Variants in ALPK1 observed in about 807,000 individuals in gnomAD.
The protein encoded by ALPK1 is alpha kinase 1.
A neutral mutation model predicts 120.6 loss-of-function variants in ALPK1; 110 were observed. The observed-to-expected ratio is 0.91, with a 90% CI of 0.78 to 1.07. ALPK1 has a LOEUF of 1.07. Among genes scored for constraint, ALPK1 ranks in the 50% least tolerant of loss-of-function variants. The probability of loss-of-function intolerance (pLI) is 0.00; values close to 1 mark genes in which losing one functional copy is unlikely to be tolerated. For missense variants in ALPK1, 1,498 were observed against 1,483.9 expected (o/e 1.01, Z -0.16); for synonymous variants, 582 against 560.3 (o/e 1.04, Z -0.55).
chr4:112,436,319 A>G (rs919057628), intron 12 of ALPK1, among the ~76,000 whole-genome samples: 4 of 152,216 alleles, frequency 2.6e-5, no homozygotes, highest in Non-Finnish European at 4.4e-5. Flanking sequence ...CACTTTACAG[A>G]TGAGGGAACT....
chr4:112,360,486 A>G (rs900509364), intron 2 of ALPK1, among the ~76,000 whole-genome samples: 5 of 152,198 alleles, frequency 3.3e-5, no homozygotes, highest in African/African-American at 1.2e-4. Flanking sequence ...TTGGTTCCAT[A>G]TCTTGGCTAT....
chr4:112,313,977 C>T (rs1728528075), intron 1 of ALPK1, among the ~76,000 whole-genome samples: 1 of 152,140 alleles, frequency 6.6e-6, no homozygotes, highest in South Asian at 2.1e-4. Flanking sequence ...GAAATAATGG[C>T]ATATTTGTAA....
At chr4:112,422,618 A>T (rs11724583) in intron 5 of ALPK1, among the ~76,000 whole-genome samples, 12,246 of 152,300 alleles carry the variant, frequency 0.08, 578 homozygotes, top group Non-Finnish European at 0.11. Flanking sequence ...TTCCATTGCT[A>T]TGTTAAAAGC....
chr4:112,360,246 A>G (rs1285754563), intron 2 of ALPK1, among the ~76,000 whole-genome samples: 1 of 152,150 alleles, frequency 6.6e-6, no homozygotes, highest in Non-Finnish European at 1.5e-5. Flanking sequence ...GTTGCAGATG[A>G]CAGGATTTCC....
At chr4:112,380,560 T>C (rs2148728120) in intron 3 of ALPK1, among the ~76,000 whole-genome samples, 1 of 152,284 alleles carries the variant, frequency 6.6e-6, no homozygotes, top group East Asian at 1.9e-4. Context: ...TCATAAATGG[T>C]TCTAAATGGC....
intron 2 of ALPK1, among the ~76,000 whole-genome samples, chr4:112,316,520 G>A (rs961670929): frequency 7.9e-5 from 12 of 152,144 alleles, no homozygotes; most frequent in Admixed American, 1.3e-4. Flanking sequence ...TTGGGTGTAT[G>A]TAGAAGTAGA....
intron 4 of ALPK1, among the ~76,000 whole-genome samples, chr4:112,386,291 T>A (rs1430648342): frequency 6.6e-6 from 1 of 152,212 alleles, no homozygotes; most frequent in Non-Finnish European, 1.5e-5. Context: ...CAACCTCCTT[T>A]ACACTCCACA....
chr4:112,338,493 A>G (rs1043304999), intron 2 of ALPK1, among the ~76,000 whole-genome samples: 6 of 152,234 alleles, frequency 3.9e-5, no homozygotes, highest in Non-Finnish European at 5.9e-5. Context: ...CCTTGTTTAA[A>G]TTAGAAAGTG....
intron 10 of ALPK1, 56 bp downstream of exon 10, chr4:112,429,309 C>A: frequency 7.4e-7 from 1 of 1,347,094 alleles, no homozygotes; most frequent in Admixed American, 2.0e-5. Flanking sequence ...AGGGTGCTTT[C>A]TGATGTAACC....
At chr4:112,325,668 C>T (rs1729084571) in intron 2 of ALPK1, among the ~76,000 whole-genome samples, 1 of 152,310 alleles carries the variant, frequency 6.6e-6, no homozygotes, top group South Asian at 2.1e-4. Flanking sequence ...CTCCCTGCCC[C>T]ACTTTGTCCT....
intron 2 of ALPK1, chr4:112,343,243 A>T (rs1247488095): frequency 6.6e-6 from 1 of 152,220 alleles, no homozygotes; most frequent in Non-Finnish European, 1.5e-5. Context: ...TTCATTCAAG[A>T]TATCTGATGT....
intron 12 of ALPK1, 26 bp downstream of exon 12, chr4:112,435,327 C>T: frequency 6.3e-7 from 1 of 1,597,346 alleles, no homozygotes; most frequent in Non-Finnish European, 8.5e-7. Flanking sequence ...ATTTGTATAA[C>T]TAATGTAAGA....
At chr4:112,415,034 C>T (rs1733673860) in intron 5 of ALPK1, 2 of 152,178 alleles carry the variant, frequency 1.3e-5, no homozygotes, top group Admixed American at 1.3e-4. Context: ...AACAATCCCA[C>T]CAGCCTGCCC....
Position 112,397,517 on chromosome 4 carries a change from C to T in ALPK1, c.277-14310C>T, listed in dbSNP as rs572121045. ...TTTCCATGGGCACTGTATGTGAAAT[C>T]GAGACCTCTACGTCTTCTAGAGTCA... On this transcript the variant is annotated intron_variant, in intron 4 of 15. Transcript: ENST00000650871. 3.9e-5 allele frequency among the ~76,000 whole-genome samples: 6 copies of T among 152,254 alleles called. No individual in the cohort carries two copies. The East Asian group carries it at 7.7e-4, about 20-fold the overall frequency.
chr4:112,399,551 C>T (rs1732813594), intron 4 of ALPK1, among the ~76,000 whole-genome samples: 1 of 152,072 alleles, frequency 6.6e-6, no homozygotes, highest in Non-Finnish European at 1.5e-5. Context: ...GAGCTGGAGA[C>T]AGATGTATGA....
At chr4:112,374,883 C>T (rs1731582865) in intron 2 of ALPK1, among the ~76,000 whole-genome samples, 1 of 152,148 alleles carries the variant, frequency 6.6e-6, no homozygotes, top group African/African-American at 2.4e-5. Flanking sequence ...AACAGATATC[C>T]TGTTACCAGG....
At chr4:112,339,101 G>A (rs1729749818) in intron 2 of ALPK1, among the ~76,000 whole-genome samples, 1 of 152,186 alleles carries the variant, frequency 6.6e-6, no homozygotes. Flanking sequence ...ACACAGGTGT[G>A]TCCAGAACTC....
At chr4:112,374,867 G>A (rs1348374526) in intron 2 of ALPK1, among the ~76,000 whole-genome samples, 3 of 152,196 alleles carry the variant, frequency 2.0e-5, no homozygotes, top group Non-Finnish European at 4.4e-5. Flanking sequence ...AGTAAACCAT[G>A]TTGTGAACAG....
chr4:112,385,629 C>T (rs1009723380), intron 4 of ALPK1, among the ~76,000 whole-genome samples: 2 of 152,142 alleles, frequency 1.3e-5, no homozygotes, highest in African/African-American at 4.8e-5. Flanking sequence ...AACCATAGCA[C>T]CCTGTAAGTC....
Sources: gnomAD v4.1 joint callset for allele counts (sites outside exome capture counted in the v4.1 genomes callset) on GRCh38, gnomAD v4.1.1 for gene constraint, MANE v1.5 for transcripts, NCBI Gene and HGNC (gene_info 2026-07-23, HGNC 2026-07-21) for gene names.